Variants in HOXD11 observed in about 807,000 individuals in gnomAD.
The protein encoded by HOXD11 is homeobox D11, also known as homeobox protein Hox-D11.
A neutral mutation model predicts 23.1 loss-of-function variants in HOXD11; 16 were observed. The ratio of observed to expected loss-of-function variants is 0.69; its 90% CI spans 0.47 to 1.05. HOXD11 has a LOEUF of 1.05. Among genes scored for constraint, HOXD11 ranks in the 50% least tolerant of loss-of-function variants. The probability of loss-of-function intolerance (pLI) is 0.00; values close to 1 mark genes in which losing one functional copy is unlikely to be tolerated. For missense variants in HOXD11, 564 were observed against 495.6 expected, an observed-to-expected ratio of 1.14 and a Z score of -1.31; for synonymous variants, 262 against 224.4, an observed-to-expected ratio of 1.17 and a Z score of -1.50.
chr2:176,111,840 A>ACAAAAAAC (rs1028868264), downstream of HOXD11, among the ~76,000 whole-genome samples: 2 of 140,724 alleles, frequency 1.4e-5, no homozygotes, highest in East Asian at 2.0e-4. Context: ...AAAAAAAAAA[A>ACAAAAAAC]AAAAAAAAAC....
Position 176,107,518 on chromosome 2 carries a change from G to C in HOXD11, c.163G>C (p.Val55Leu), listed in dbSNP as rs774150821. 10 of 1,613,318 alleles carry C rather than the reference G, an allele frequency of 6.2e-6. No individual in the cohort carries two copies. The highest frequency in any genetic ancestry group is 8.5e-6 in the Non-Finnish European group (10 of 1,179,794). The change falls in exon 1 of 2, where the codon GTC (valine) becomes CTC (leucine). Residue 55 changes from valine (V) to leucine (L), a missense_variant. Val to Leu is a conservative substitution (Grantham distance 32). Coordinates refer to ENST00000249504, the MANE Select transcript of HOXD11 (RefSeq NM_021192.3). ...CTACTCTTCCAACCTGGCTCCGCAC[G>C]TCCAGCCCGTGCGCGAAGTGGCCTT... is the stretch of plus-strand genomic sequence containing the variant. ...FPYSSNLAPH[V>L]QPVREVAFRD...
intron 1 of HOXD11, 139 bp downstream of exon 1, chr2:176,108,275 C>G: frequency 1.7e-6 from 1 of 580,318 alleles, no homozygotes; most frequent in Admixed American, 4.3e-5. Context: ...TATAAGATTT[C>G]CTGGGCCGTT....
In HOXD11 at chr2:176,107,537, T is replaced by C; in HGVS notation, c.182T>C (p.Val61Ala). ...CCGCACGTCCAGCCCGTGCGCGAAG[T>C]GGCCTTCCGCGACTACGGCCTGGAG... Reference protein sequence around the residue: ...LAPHVQPVREVAFRDYGLERA... With the variant: ...LAPHVQPVREAAFRDYGLERA... Residue 61 changes from valine (V) to alanine (A), a missense_variant, in exon 1 of 2, where the codon GTG becomes GCG. Transcript: ENST00000249504. 1 of 1,612,654 alleles carries C rather than the reference T, an allele frequency of 6.2e-7. No homozygotes were observed. The highest frequency in any genetic ancestry group is 1.3e-5 in the African/African-American group (1 of 74,954).
chr2:176,113,060 G>A (rs1028732522), downstream of HOXD11, among the ~76,000 whole-genome samples: 1 of 152,202 alleles, frequency 6.6e-6, no homozygotes, highest in African/African-American at 2.4e-5. Flanking sequence ...CTTGTTGCAC[G>A]TCTGGATAGA....
At chr2:176,112,272 C>T (rs1689687394), downstream of HOXD11, among the ~76,000 whole-genome samples, 1 of 152,234 alleles carries the variant, frequency 6.6e-6, no homozygotes. Flanking sequence ...TCGTTGCGTG[C>T]CCTCCTTCCT....
rs747818303 is a variant in HOXD11 at position 176,107,512 on chromosome 2, C to T, written c.157C>T (p.Pro53Ser). 2.7e-5 allele frequency: 44 copies of T among 1,613,654 alleles called. No homozygotes were observed. Among genetic ancestry groups the T allele is most frequent in the Non-Finnish European group, 3.5e-5 (41 of 1,179,886 alleles). Residue 53 changes from proline to serine, a missense_variant, in exon 1 of 2, where the codon CCG becomes TCG. Transcript: ENST00000249504. ...MTFPYSSNLA[P>S]HVQPVREVAF... is the part of the protein sequence containing the mutation. The stretch of plus-strand genomic sequence containing the variant: ...TTTCCCCTACTCTTCCAACCTGGCT[C>T]CGCACGTCCAGCCCGTGCGCGAAGT...
chr2:176,109,037 C>A lies in HOXD11; in HGVS notation c.912C>A (p.Asn304Lys). Residue 304 changes from asparagine (N) to lysine (K), a missense_variant, in exon 2 of 2, where the codon AAC becomes AAA. Coordinates refer to ENST00000249504, the MANE Select transcript of HOXD11 (RefSeq NM_021192.3). ...EKRLQLSRML[N>K]LTDRQVKIWF... Reference sequence around the variant, plus strand: ...GACTTCAACTCTCTCGGATGCTCAACCTCACTGACCGGCAAGTCAAAATCT... The same window carrying A: ...GACTTCAACTCTCTCGGATGCTCAAACTCACTGACCGGCAAGTCAAAATCT... 2 of 1,614,024 alleles carry A rather than the reference C, an allele frequency of 1.2e-6. No individual in the cohort carries two copies. Among genetic ancestry groups the A allele is most frequent in the South Asian group, 1.1e-5 (1 of 91,080 alleles).
chr2:176,109,927 A>G (rs1447465415), downstream of HOXD11, among the ~76,000 whole-genome samples: 5 of 152,022 alleles, frequency 3.3e-5, no homozygotes, highest in Admixed American at 3.3e-4. Context: ...TCCCACCCCC[A>G]CCACTAGTCT....
downstream of HOXD11, among the ~76,000 whole-genome samples, chr2:176,114,139 G>C (rs1689715589): frequency 1.3e-5 from 2 of 152,214 alleles, no homozygotes. Context: ...TACTGCTGGA[G>C]CGCCAAGCTA....
downstream of HOXD11, among the ~76,000 whole-genome samples, chr2:176,112,422 C>T (rs1447056807): frequency 1.3e-5 from 2 of 152,234 alleles, no homozygotes. Context: ...TGTGAAGAGC[C>T]TGCAACCCCC....
At chr2:176,112,365 CCTCT>C (rs1689689453), downstream of HOXD11, among the ~76,000 whole-genome samples, 1 of 152,206 alleles carries the variant, frequency 6.6e-6, no homozygotes, top group African/African-American at 2.4e-5. Flanking sequence ...CCGACATTGG[CCTCT>C]CTAAGGGAGG....
chr2:176,112,812 G>A (rs374068077), downstream of HOXD11, among the ~76,000 whole-genome samples: 2 of 152,226 alleles, frequency 1.3e-5, no homozygotes, highest in African/African-American at 4.8e-5. Flanking sequence ...GCTTCTCAGC[G>A]GTCTGCAGTT....
chr2:176,108,404 T>TGGAG (rs1006808253), intron 1 of HOXD11, among the ~76,000 whole-genome samples: 7 of 118,732 alleles, frequency 5.9e-5, no homozygotes, highest in South Asian at 6.2e-4. Flanking sequence ...CTAGATACCA[T>TGGAG]GGAGGGAGGG....
chr2:176,109,527 CCT>C lies in HOXD11; in HGVS notation c.*388_*389del. The C allele has an allele frequency of 3.7e-6, 1 of 268,566 alleles. No individual in the cohort carries two copies. The highest frequency in any genetic ancestry group is 4.8e-5 in the Admixed American group (1 of 20,700). The allele number at this position is 268,566 out of a possible 1,614,324, so 16.6% of individuals were successfully genotyped here. A position where few individuals can be genotyped will look rare whatever the true frequency, so the allele number is the denominator to read the frequency against. On this transcript the variant is annotated 3_prime_UTR_variant, in exon 2 of 2. Coordinates refer to ENST00000249504, the MANE Select transcript of HOXD11 (RefSeq NM_021192.3). The stretch of plus-strand genomic sequence containing the variant: ...CTGAGTTTTAAGAGATCCCTTCCTT[CCT>C]CTTCGGTGAATGCAGGTTATTTAAA...
chr2:176,113,422 C>T (rs1245042210), downstream of HOXD11, among the ~76,000 whole-genome samples: 1 of 152,182 alleles, frequency 6.6e-6, no homozygotes, highest in Non-Finnish European at 1.5e-5. Flanking sequence ...CGTCTTGGTA[C>T]AAATATGGGT....
chr2:176,107,787 T>A lies in HOXD11; in HGVS notation c.432T>A (p.Pro144=). The A allele has an allele frequency of 7.5e-7, 1 of 1,340,852 alleles. No homozygotes were observed. The highest frequency in any genetic ancestry group is 9.5e-7 in the Non-Finnish European group (1 of 1,047,230). 83.1% of individuals were successfully genotyped at this position (1,340,852 alleles called of 1,614,324 possible). The stretch of plus-strand genomic sequence containing the variant: ...GGCCGGACGTGCTCTTCAAGGCGCC[T>A]GAGCCGGTGTGCGCTGCGCCGGGGC... The part of the protein sequence containing the change: ...GRRPDVLFKA[P]EPVCAAPGPP... Residue 144 remains proline, a synonymous_variant, in exon 1 of 2, where the codon CCT becomes CCA. Coordinates refer to ENST00000249504, the MANE Select transcript of HOXD11 (RefSeq NM_021192.3).
chr2:176,108,008 G>C lies in HOXD11; in HGVS notation c.653G>C (p.Gly218Ala). Residue 218 changes from glycine to alanine, a missense_variant, in exon 1 of 2, where the codon GGT becomes GCT. By Grantham distance (60) the Gly-to-Ala change is moderately conservative. Coordinates refer to ENST00000249504, the MANE Select transcript of HOXD11 (RefSeq NM_021192.3). Reference sequence around the variant, plus strand: ...AAGGGCGACCCCAGGACCGGGGCTGGTGGCGGCGGGGGCAGTCCCTGCACC... The same window carrying C: ...AAGGGCGACCCCAGGACCGGGGCTGCTGGCGGCGGGGGCAGTCCCTGCACC... ...ADKGDPRTGA[G>A]GGGGSPCTKA... 3 of 1,487,066 alleles carry C rather than the reference G, an allele frequency of 2.0e-6. No individual in the cohort carries two copies. Among genetic ancestry groups the C allele is most frequent in the Non-Finnish European group, 2.7e-6 (3 of 1,124,278 alleles). 92.1% of individuals were successfully genotyped at this position (1,487,066 alleles called of 1,614,324 possible).
rs1479950283 is a variant in HOXD11 at position 176,107,938 on chromosome 2, C to A, written c.583C>A (p.Pro195Thr). ...APGPPFAGPQ[P>T]PPPPAPPQPE... ...CGGGCCCCCGTTCGCCGGGCCGCAG[C>A]CCCCGCCGCCACCCGCGCCGCCACA... The change falls in exon 1 of 2, where the codon CCC becomes ACC. Residue 195 changes from proline to threonine, a missense_variant. By Grantham distance (38) the Pro-to-Thr change is conservative (BLOSUM62 -1). Transcript: ENST00000249504. 3 of 1,409,900 alleles carry A rather than the reference C, an allele frequency of 2.1e-6. No homozygotes were observed. The highest frequency in any genetic ancestry group is 1.8e-6 in the Non-Finnish European group (2 of 1,084,398). The allele number at this position is 1,409,900 out of a possible 1,614,324, so 87.3% of individuals were successfully genotyped here.
In HOXD11 at chr2:176,109,139, T is replaced by C; in HGVS notation, c.1014T>C (p.Phe338=). The change falls in exon 2 of 2, where the codon TTT becomes TTC. Residue 338 remains phenylalanine, a synonymous_variant. Coordinates refer to ENST00000249504, the MANE Select transcript of HOXD11 (RefSeq NM_021192.3). ...RLQYFTGNPL[F] is the part of the protein sequence containing the mutation. ...AGTATTTCACTGGAAACCCCTTATT[T>C]TGAGAGCTCCAGGAAGCGCCCTCAC... 7 of 1,605,130 alleles carry C rather than the reference T, an allele frequency of 4.4e-6. No homozygotes were observed. The highest frequency in any genetic ancestry group is 6.0e-6 in the Non-Finnish European group (7 of 1,172,050).
Sources: allele counts gnomAD v4.1 joint callset (sites outside exome capture counted in the v4.1 genomes callset), GRCh38; gene constraint gnomAD v4.1.1; transcripts MANE v1.5; gene names NCBI Gene and HGNC (gene_info 2026-07-23, HGNC 2026-07-21).